Variants in SFMBT1 observed in about 807,000 individuals in gnomAD.
SFMBT1 encodes the protein Scm like with four mbt domains 1.
Under a neutral mutation model 108.7 loss-of-function variants are expected in SFMBT1, and 32 were observed. The ratio of observed to expected loss-of-function variants is 0.29; its 90% confidence interval spans 0.22 to 0.40. The LOEUF (loss-of-function observed/expected upper bound fraction) is 0.40. Ranked by LOEUF, SFMBT1 falls within the 10% of genes least tolerant of loss-of-function variation. The pLI is 1.00. For synonymous variants in SFMBT1, 348 were observed against 369.5 expected, an observed-to-expected ratio of 0.94 and a Z score of 0.67; for missense variants, 816 against 1,059.6, an observed-to-expected ratio of 0.77 and a Z score of 3.19.
At chr3:52,921,884 A>C in intron 10 of SFMBT1, 53 bp from the exon 11 acceptor site, 5 of 1,584,624 alleles carry the variant, frequency 3.2e-6, no homozygotes, top group Non-Finnish European at 4.3e-6. Flanking sequence ...GTATTAACTC[A>C]CGTGCTCAGC....
rs1163939468 is a variant in SFMBT1, at chr3:52,905,986, A to T, written c.2460+127T>A. ...ATCATCTTTGACTCCTAAAAATGGA[A>T]TTAAGACAATTCTTGTCTTTTGGAT... On this transcript the variant is annotated intron_variant, in intron 20 of 20. Transcript: ENST00000394752. 6.4e-6 allele frequency: 7 copies of T among 1,090,150 alleles called. No individual in the cohort carries two copies. In the Admixed American group the frequency reaches 9.7e-5, roughly 15 times the overall value. 67.5% of individuals were successfully genotyped at this position (1,090,150 alleles called of 1,614,324 possible).
In SFMBT1 at chr3:52,904,526, G is replaced by C. The variant is rs1182611156; in HGVS notation, c.*610C>G. On this transcript the variant is annotated 3_prime_UTR_variant, in exon 21 of 21. Coordinates refer to ENST00000394752, the MANE Select transcript of SFMBT1 (RefSeq NM_016329.4). Reference sequence around the variant, plus strand: ...ATGGCTGTAAGCTCAATTATCAACAGAGGTAGTAAACAAAGGAACTCCTAA... The same window carrying C: ...ATGGCTGTAAGCTCAATTATCAACACAGGTAGTAAACAAAGGAACTCCTAA... 1 of 152,584 alleles carries C rather than the reference G, an allele frequency of 6.6e-6. No homozygotes were observed. Among genetic ancestry groups the C allele is most frequent in the Non-Finnish European group, 1.5e-5 (1 of 68,038 alleles). The allele number at this position is 152,584 out of a possible 1,614,324, so 9.5% of individuals were successfully genotyped here.
chr3:53,043,286 A>G (rs1278813714), intron 1 of SFMBT1: 3 of 152,082 alleles, frequency 2.0e-5, no homozygotes, highest in Admixed American at 1.3e-4. Context: ...AAAAAAAGGT[A>G]TCTTAGTCAT....
intron 5 of SFMBT1, among the ~76,000 whole-genome samples, chr3:52,932,815 G>A (rs993726271): frequency 2.0e-5 from 3 of 152,152 alleles, no homozygotes; most frequent in Non-Finnish European, 4.4e-5. Context: ...AGAGGCTGAG[G>A]CAGAAGAATC....
chr3:53,040,126 G>C (rs760269436), intron 1 of SFMBT1, among the ~76,000 whole-genome samples: 58 of 152,178 alleles, frequency 3.8e-4, no homozygotes, highest in Non-Finnish European at 6.6e-4. Flanking sequence ...AGAAAAAACT[G>C]AGAGACAGGA....
chr3:52,942,139 T>C (rs1230312079), intron 4 of SFMBT1, among the ~76,000 whole-genome samples: 1 of 152,090 alleles, frequency 6.6e-6, no homozygotes, highest in Non-Finnish European at 1.5e-5. Context: ...GATATAAATA[T>C]AAAAATAAGA....
intron 8 of SFMBT1, 189 bp from the exon 9 acceptor site, chr3:52,928,530 A>G (rs2710341): frequency 0.033 from 15,231 of 459,084 alleles, 1,337 homozygotes; most frequent in South Asian, 0.18. Flanking sequence ...TCATGTATCA[A>G]TTCAGTTTTA....
rs750046208 is a variant in SFMBT1 at position 52,997,035 on chromosome 3, C to T, written c.-130-27777G>A. ...AGTGAGCCGAGATCGCACCACTGCA[C>T]TCCAGCCTGGGCGACTGAGCGAGAC... On this transcript the variant is annotated intron_variant, in intron 1 of 20. Coordinates refer to ENST00000394752, the MANE Select transcript of SFMBT1 (RefSeq NM_016329.4). Among the ~76,000 whole-genome samples the T allele has an allele frequency of 8.7e-5, 13 of 149,470 alleles. 1 individual carries two copies. The highest frequency in any genetic ancestry group is 1.8e-4 in the Non-Finnish European group (12 of 66,750).
chr3:52,911,918 T>C (rs1702224483), intron 16 of SFMBT1, among the ~76,000 whole-genome samples: 1 of 152,160 alleles, frequency 6.6e-6, no homozygotes, highest in Non-Finnish European at 1.5e-5. Context: ...CAGGCTGGTC[T>C]TGAACTCCTG....
chr3:52,941,462 C>T (rs1471240104), intron 4 of SFMBT1, among the ~76,000 whole-genome samples: 4 of 151,674 alleles, frequency 2.6e-5, no homozygotes, highest in African/African-American at 4.8e-5. Flanking sequence ...GGTGTGGTGG[C>T]GGGTGCCTGT....
At chr3:52,980,429 G>A (rs1704670261) in intron 1 of SFMBT1, among the ~76,000 whole-genome samples, 2 of 151,972 alleles carry the variant, frequency 1.3e-5, no homozygotes, top group African/African-American at 4.8e-5. Flanking sequence ...GATCTCCCAT[G>A]GTTCTTACAC....
At position 52,930,882 on chromosome 3, in the gene SFMBT1, C is replaced by T. The variant is rs900646474; in HGVS notation, c.795+59G>A. 1.3e-5 allele frequency: 19 copies of T among 1,416,988 alleles called. No individual in the cohort carries two copies. The East Asian group carries it at 2.5e-4, about 19-fold the overall frequency. 87.8% of individuals were successfully genotyped at this position (1,416,988 alleles called of 1,614,324 possible). The stretch of plus-strand genomic sequence containing the variant: ...GGCTGCTTTACACTTTCACCTCCTG[C>T]GTTGCTTTACTCTACTGTAAGGGGA... On this transcript the variant is annotated intron_variant, in intron 7 of 20. Coordinates refer to ENST00000394752, the MANE Select transcript of SFMBT1 (RefSeq NM_016329.4).
At chr3:52,978,415 T>C (rs1436758891) in intron 1 of SFMBT1, among the ~76,000 whole-genome samples, 1 of 152,140 alleles carries the variant, frequency 6.6e-6, no homozygotes, top group Non-Finnish European at 1.5e-5. Flanking sequence ...GCCACTCCCA[T>C]GTACCTCTGT....
intron 4 of SFMBT1, among the ~76,000 whole-genome samples, chr3:52,939,818 C>A (rs1267917086): frequency 6.6e-6 from 1 of 151,902 alleles, no homozygotes; most frequent in Non-Finnish European, 1.5e-5. Flanking sequence ...TTCCTGTGCT[C>A]ATTTTAACTA....
chr3:52,910,888 A>T, intron 17 of SFMBT1, 115 bp downstream of exon 17: 1 of 813,154 alleles, frequency 1.2e-6, no homozygotes. Flanking sequence ...CTGGCCCTTT[A>T]CAGAAGAAGT....
chr3:52,911,271 G>T, intron 16 of SFMBT1, 93 bp from the exon 17 acceptor site: 2 of 1,338,030 alleles, frequency 1.5e-6, no homozygotes, highest in Non-Finnish European at 2.0e-6. Flanking sequence ...AAATATTTTT[G>T]CTTCTTGGAA....
chr3:52,982,901 T>C (rs1049276707), intron 1 of SFMBT1, among the ~76,000 whole-genome samples: 7 of 152,038 alleles, frequency 4.6e-5, no homozygotes, highest in African/African-American at 1.4e-4. Context: ...TAAATCAACA[T>C]TGACAATCTG....
chr3:52,953,772 G>A (rs1005382969), intron 3 of SFMBT1, among the ~76,000 whole-genome samples: 1 of 152,054 alleles, frequency 6.6e-6, no homozygotes, highest in African/African-American at 2.4e-5. Flanking sequence ...ATTCATAAAT[G>A]GTCAAAAAGA....
At chr3:53,022,913 G>T (rs1008102470) in intron 1 of SFMBT1, among the ~76,000 whole-genome samples, 38 of 152,180 alleles carry the variant, frequency 2.5e-4, no homozygotes, top group African/African-American at 9.2e-4. Flanking sequence ...AAGATGGTAA[G>T]CTTTATGAAT....
Sources: gnomAD v4.1 joint callset for allele counts (sites outside exome capture counted in the v4.1 genomes callset) on GRCh38, gnomAD v4.1.1 for gene constraint, MANE v1.5 for transcripts, NCBI Gene and HGNC (gene_info 2026-07-23, HGNC 2026-07-21) for gene names.